CSMD1: variants seen among roughly 807,000 people sequenced by gnomAD.
CSMD1 encodes the protein CUB and Sushi multiple domains 1, also known as CUB and sushi domain-containing protein 1.
A neutral mutation model predicts 417.5 loss-of-function variants in CSMD1; 213 were observed. That is an observed-to-expected ratio of 0.51 (90% CI 0.46 to 0.57). The LOEUF is 0.57. Ranked by LOEUF, CSMD1 falls within the 20% of genes least tolerant of loss-of-function variation. The pLI is 0.00. For missense variants in CSMD1, 6,923 were observed against 4,529.7 expected (o/e 1.53, Z -15.17); for synonymous variants, 2,862 against 1,736.8 (o/e 1.65, Z -16.11).
chr8:4,773,398 T>C (rs190605534), intron 1 of CSMD1, among the ~76,000 whole-genome samples: 2 of 152,284 alleles, frequency 1.3e-5, no homozygotes, highest in East Asian at 3.9e-4. Context: ...AATAGCTCCT[T>C]GTTTCTGCAG....
intron 5 of CSMD1, among the ~76,000 whole-genome samples, chr8:3,907,318 A>T (rs2129137372): frequency 6.6e-6 from 1 of 152,318 alleles, no homozygotes; most frequent in Non-Finnish European, 1.5e-5. Context: ...GATGGTACAT[A>T]TTTGCTGTTT....
intron 5 of CSMD1, among the ~76,000 whole-genome samples, chr8:3,793,585 T>C (rs1378688913): frequency 2.0e-5 from 3 of 151,820 alleles, no homozygotes; most frequent in African/African-American, 7.3e-5. Context: ...TGTACCCTAA[T>C]ACATGCCTCT....
At chr8:4,824,873 T>C (rs555275219) in intron 1 of CSMD1, among the ~76,000 whole-genome samples, 58 of 152,114 alleles carry the variant, frequency 3.8e-4, no homozygotes, top group Non-Finnish European at 7.5e-4. Context: ...GTCATTGTAA[T>C]AGAACGTGGC....
chr8:4,635,111 T>C (rs1338045512), intron 2 of CSMD1, among the ~76,000 whole-genome samples: 1 of 152,142 alleles, frequency 6.6e-6, no homozygotes, highest in African/African-American at 2.4e-5. Context: ...AAACAAAAAA[T>C]TGTCGGTAAC....
chr8:3,321,162 C>T (rs773861470), intron 23 of CSMD1, among the ~76,000 whole-genome samples: 7 of 152,094 alleles, frequency 4.6e-5, no homozygotes, highest in Non-Finnish European at 7.4e-5. Flanking sequence ...GGGTCGAATC[C>T]TTTGCTTTCT....
chr8:4,575,529 A>C (rs1367335287), intron 2 of CSMD1, among the ~76,000 whole-genome samples: 1 of 152,182 alleles, frequency 6.6e-6, no homozygotes, highest in Non-Finnish European at 1.5e-5. Context: ...AGAGTGCAGA[A>C]GGGAGAGCAC....
chr8:4,136,950 A>G (rs1395623697), intron 3 of CSMD1, among the ~76,000 whole-genome samples: 1 of 152,174 alleles, frequency 6.6e-6, no homozygotes, highest in Non-Finnish European at 1.5e-5. Context: ...TATCATCAAA[A>G]CCAATATTCA....
chr8:3,144,145 G>T (rs777778958), intron 40 of CSMD1, among the ~76,000 whole-genome samples: 1 of 152,112 alleles, frequency 6.6e-6, no homozygotes, highest in Non-Finnish European at 1.5e-5. Context: ...AATCATCACC[G>T]TGCTCATAAT....
chr8:4,021,592 C>G (rs1796791375), intron 4 of CSMD1, among the ~76,000 whole-genome samples: 1 of 152,202 alleles, frequency 6.6e-6, no homozygotes, highest in African/African-American at 2.4e-5. Flanking sequence ...AAGTCTTATC[C>G]TGATGCCCTC....
chr8:2,982,970 A>C (rs1303762129), intron 54 of CSMD1, among the ~76,000 whole-genome samples: 1 of 152,166 alleles, frequency 6.6e-6, no homozygotes, highest in Non-Finnish European at 1.5e-5. Context: ...TCCATGGCAC[A>C]GATGCTGGGC....
chr8:4,125,465 A>G (rs890675885), intron 3 of CSMD1, among the ~76,000 whole-genome samples: 1 of 152,194 alleles, frequency 6.6e-6, no homozygotes, highest in Admixed American at 6.5e-5. Flanking sequence ...CCTAAAATGA[A>G]TAAAACCAAG....
At chr8:4,369,351 T>G (rs1802271254) in intron 3 of CSMD1, among the ~76,000 whole-genome samples, 1 of 152,164 alleles carries the variant, frequency 6.6e-6, no homozygotes, top group African/African-American at 2.4e-5. Flanking sequence ...GAGACTTGCT[T>G]TAAGGCCAAG....
intron 25 of CSMD1, among the ~76,000 whole-genome samples, chr8:3,285,258 G>A (rs1584930291): frequency 1.3e-5 from 2 of 152,256 alleles, no homozygotes; most frequent in Middle Eastern, 6.8e-3. Flanking sequence ...AAACACTTAT[G>A]TCACCCTGTG....
Position 3,575,380 on chromosome 8 carries a change from T to G in CSMD1, c.1223-314A>C, listed in dbSNP as rs1195811603. ...CAATACCAAAGTAGCCCATTTCAAATCCCAGTGTGACTCAGAGTGTTCACG... is the reference window on the plus strand; with the variant it reads ...CAATACCAAAGTAGCCCATTTCAAAGCCCAGTGTGACTCAGAGTGTTCACG... On this transcript the variant is annotated intron_variant, in intron 9 of 69. Coordinates refer to ENST00000635120, the MANE Select transcript of CSMD1 (RefSeq NM_033225.6). Among the ~76,000 whole-genome samples, 19 of 152,086 alleles carry G rather than the reference T, an allele frequency of 1.2e-4. 1 individual carries two copies. Among genetic ancestry groups the G allele is most frequent in the Non-Finnish European group, 8.8e-5 (6 of 68,024 alleles).
At chr8:4,789,374 C>G (rs972982959) in intron 1 of CSMD1, among the ~76,000 whole-genome samples, 2 of 152,142 alleles carry the variant, frequency 1.3e-5, no homozygotes, top group African/African-American at 4.8e-5. Context: ...GTCTTTGTAG[C>G]TCTCTGGCTC....
intron 5 of CSMD1, among the ~76,000 whole-genome samples, chr8:3,992,296 C>G (rs1355040071): frequency 3.9e-5 from 6 of 152,088 alleles, no homozygotes; most frequent in Non-Finnish European, 7.4e-5. Context: ...TTTTGCCTAC[C>G]TGGAGTACGC....
At chr8:4,588,947 T>A (rs2130724845) in intron 2 of CSMD1, among the ~76,000 whole-genome samples, 1 of 152,240 alleles carries the variant, frequency 6.6e-6, no homozygotes, top group East Asian at 1.9e-4. Context: ...ACATTGCCTT[T>A]AAGTATAGTA....
intron 40 of CSMD1, among the ~76,000 whole-genome samples, chr8:3,146,467 G>T (rs529116933): frequency 2.0e-5 from 3 of 151,778 alleles, no homozygotes; most frequent in Non-Finnish European, 4.4e-5. Context: ...TAGCCCTATG[G>T]GACTGATATA....
At chr8:4,570,321 C>T (rs776737558) in intron 2 of CSMD1, among the ~76,000 whole-genome samples, 105 of 152,208 alleles carry the variant, frequency 6.9e-4, no homozygotes, top group Non-Finnish European at 1.3e-3. Context: ...CCGTCAATAC[C>T]TAGTTTATTA....
Sources: gnomAD v4.1 joint callset for allele counts (sites outside exome capture counted in the v4.1 genomes callset) on GRCh38, gnomAD v4.1.1 for gene constraint, MANE v1.5 for transcripts, NCBI Gene and HGNC (gene_info 2026-07-23, HGNC 2026-07-21) for gene names.